AJAP1: variants seen among roughly 807,000 people sequenced by gnomAD.
AJAP1 encodes the protein adherens junction-associated protein 1.
Under a neutral mutation model 35.0 loss-of-function variants are expected in AJAP1, and 5 were observed. That is an observed-to-expected ratio of 0.14 (90% CI 0.07 to 0.30). The LOEUF (loss-of-function observed/expected upper bound fraction) is 0.30. AJAP1 is among the 10% of genes least tolerant of loss of function. The pLI, the probability that AJAP1 is intolerant of heterozygous loss-of-function variation, is 1.00. For missense variants in AJAP1, 586 were observed against 571.0 expected (o/e 1.03, Z -0.27); for synonymous variants, 284 against 249.3 (o/e 1.14, Z -1.31).
intron 1 of AJAP1, among the ~76,000 whole-genome samples, chr1:4,659,206 G>A (rs924250443): frequency 3.3e-5 from 5 of 152,184 alleles, no homozygotes; most frequent in East Asian, 1.9e-4. Flanking sequence ...TTTTAAATAC[G>A]TAGTTGCCAA....
chr1:4,723,959 A>G lies in AJAP1; in HGVS notation c.829+11260A>G, dbSNP rs539479958. On this transcript the variant is annotated intron_variant, in intron 2 of 5. Coordinates refer to ENST00000378191, the MANE Select transcript of AJAP1 (RefSeq NM_018836.4). The surrounding 1 kb of genome is among the most constrained non-coding windows in gnomAD (Gnocchi z 4.3). ...ATGTGTGCTGTTGGCTGAGCTCGCTATAGAGACCTCAAGAGGTGTCCAAGA... is the reference window on the plus strand; with the variant it reads ...ATGTGTGCTGTTGGCTGAGCTCGCTGTAGAGACCTCAAGAGGTGTCCAAGA... Among the ~76,000 whole-genome samples, 236 of 152,284 alleles carry G rather than the reference A, an allele frequency of 1.5e-3. No individual in the cohort carries two copies. Among genetic ancestry groups the G allele is most frequent in the African/African-American group, 5.4e-3 (225 of 41,548 alleles).
rs1432721622 is a variant in AJAP1 at position 4,786,104 on chromosome 1, A to G, written c.*3619A>G. The stretch of plus-strand genomic sequence containing the variant: ...TCAGGGAGCTTCCCCACCGTTTCCC[A>G]TTGGGCTCAGATTCCAGCCATTACC... On this transcript the variant is annotated 3_prime_UTR_variant, in exon 6 of 6. Transcript: ENST00000378191. The G allele has an allele frequency of 2.0e-5, 3 of 152,032 alleles. No individual in the cohort carries two copies. The highest frequency in any genetic ancestry group is 7.2e-5 in the African/African-American group (3 of 41,406). 9.4% of individuals were successfully genotyped at this position (152,032 alleles called of 1,614,324 possible).
At chr1:4,698,021 C>G (rs527238301) in intron 1 of AJAP1, among the ~76,000 whole-genome samples, 3 of 152,242 alleles carry the variant, frequency 2.0e-5, no homozygotes, top group Non-Finnish European at 4.4e-5. Context: ...GCAGTCATCG[C>G]GGCATCTCCT....
intron 1 of AJAP1, among the ~76,000 whole-genome samples, chr1:4,696,590 G>A (rs1053611581): frequency 2.6e-5 from 4 of 152,204 alleles, no homozygotes; most frequent in African/African-American, 7.2e-5. Context: ...GCTTATGCCC[G>A]GGGGGTGGCC....
intron 1 of AJAP1, among the ~76,000 whole-genome samples, chr1:4,703,921 C>T (rs1328870263): frequency 6.6e-6 from 1 of 152,210 alleles, no homozygotes; most frequent in African/African-American, 2.4e-5. Flanking sequence ...GAATGCCTGG[C>T]AGTGCAGGCT....
chr1:4,712,842 A>AAGCT, intron 2 of AJAP1, 143 bp downstream of exon 2: 3 of 837,248 alleles, frequency 3.6e-6, no homozygotes, highest in Non-Finnish European at 5.2e-6. Flanking sequence ...ATGAGCTTGC[A>AAGCT]CATGCCTGTA....
intron 1 of AJAP1, among the ~76,000 whole-genome samples, chr1:4,711,441 C>T (rs1430252431): frequency 6.6e-6 from 1 of 152,186 alleles, no homozygotes; most frequent in South Asian, 2.1e-4. Context: ...AGCGCCTGGC[C>T]CTGGGGTCCC....
chr1:4,756,054 T>C (rs1350246828), intron 2 of AJAP1, among the ~76,000 whole-genome samples: 1 of 152,112 alleles, frequency 6.6e-6, no homozygotes, highest in African/African-American at 2.4e-5. Flanking sequence ...GCTTAGCATA[T>C]GCATAAGGAA....
chr1:4,660,547 G>T (rs932459927), intron 1 of AJAP1, among the ~76,000 whole-genome samples: 1 of 152,012 alleles, frequency 6.6e-6, no homozygotes, highest in Non-Finnish European at 1.5e-5. Context: ...AAAATTAAAG[G>T]TTTAATTAAA....
At chr1:4,776,892 G>A (rs545302348) in intron 5 of AJAP1, among the ~76,000 whole-genome samples, 3 of 152,312 alleles carry the variant, frequency 2.0e-5, no homozygotes, top group East Asian at 3.9e-4. Flanking sequence ...AGAAGAGCCC[G>A]TGAGGCTTAC....
At chr1:4,719,103 A>G (rs535488599) in intron 2 of AJAP1, among the ~76,000 whole-genome samples, 1 of 152,314 alleles carries the variant, frequency 6.6e-6, no homozygotes, top group Non-Finnish European at 1.5e-5. Flanking sequence ...CCATCCGCTC[A>G]CAGGGGAATG....
intron 1 of AJAP1, among the ~76,000 whole-genome samples, chr1:4,671,966 T>C (rs1017584543): frequency 2.6e-5 from 4 of 152,282 alleles, no homozygotes; most frequent in South Asian, 2.1e-4. Context: ...CACACTGTTC[T>C]CCTTATCTCA....
intron 2 of AJAP1, among the ~76,000 whole-genome samples, chr1:4,752,812 C>G (rs1388669285): frequency 6.6e-6 from 1 of 152,164 alleles, no homozygotes; most frequent in Non-Finnish European, 1.5e-5. Context: ...ACTATAGAAC[C>G]AGGATCCAAG....
chr1:4,700,346 C>T lies in AJAP1; in HGVS notation c.30-11554C>T, dbSNP rs115510236. Among the ~76,000 whole-genome samples, 136 of 152,224 alleles carry T rather than the reference C, an allele frequency of 8.9e-4. 1 individual carries two copies. The highest frequency in any genetic ancestry group is 3.4e-3 in the Middle Eastern group (1 of 294). ...TACCCTGGGGTCTTCCACAACATAC[C>T]GATGCTGGGCCTCGCCCCCACAGGC... On this transcript the variant is annotated intron_variant, in intron 1 of 5. Coordinates refer to ENST00000378191, the MANE Select transcript of AJAP1 (RefSeq NM_018836.4).
intron 2 of AJAP1, among the ~76,000 whole-genome samples, chr1:4,719,052 A>G (rs1640459361): frequency 6.6e-6 from 1 of 152,188 alleles, no homozygotes; most frequent in African/African-American, 2.4e-5. Context: ...CTGGACTGAT[A>G]ACAAATCTGT....
intron 2 of AJAP1, among the ~76,000 whole-genome samples, chr1:4,760,191 C>CTGTGTGTGTGTGCA (rs1180358812): frequency 6.6e-6 from 1 of 151,542 alleles, no homozygotes; most frequent in East Asian, 1.9e-4. Flanking sequence ...GTGAGTGAGC[C>CTGTGTGTGTGTGCA]TGTGTGTGTG....
chr1:4,712,607 T>G lies in AJAP1; in HGVS notation c.737T>G (p.Ile246Ser). The stretch of plus-strand genomic sequence containing the variant: ...GAGTCCTTGGATCCCCGGAGAAGGA[T>G]CCCAGGTGGGGTTAGCACAACGGAG... ...FTESLDPRRRIPGGVSTTEPS... is the reference protein window; with the variant it reads ...FTESLDPRRRSPGGVSTTEPS... The change falls in exon 2 of 6, where the codon ATC becomes AGC. Residue 246 changes from isoleucine to serine, a missense_variant. Physicochemically the swap from Ile to Ser is moderately radical, Grantham distance 142. Coordinates refer to ENST00000378191, the MANE Select transcript of AJAP1 (RefSeq NM_018836.4). 1 of 1,600,478 alleles carries G rather than the reference T, an allele frequency of 6.2e-7. No individual in the cohort carries two copies. Among genetic ancestry groups the G allele is most frequent in the South Asian group, 1.1e-5 (1 of 89,424 alleles).
intron 1 of AJAP1, among the ~76,000 whole-genome samples, chr1:4,669,219 T>TC (rs1399014367): frequency 6.6e-6 from 1 of 152,194 alleles, no homozygotes; most frequent in Non-Finnish European, 1.5e-5. Flanking sequence ...TCATTCCCCG[T>TC]CCCCCTGGAA....
intron 2 of AJAP1, among the ~76,000 whole-genome samples, chr1:4,768,782 A>G (rs1223783545): frequency 6.6e-6 from 1 of 152,168 alleles, no homozygotes; most frequent in East Asian, 1.9e-4. Context: ...CAGGTGCTAA[A>G]GTGGACCTTC....
Sources: gnomAD v4.1 joint callset for allele counts (sites outside exome capture counted in the v4.1 genomes callset) on GRCh38, gnomAD v4.1.1 for gene constraint, Gnocchi (gnomAD v3.1) non-coding constraint, MANE v1.5 for transcripts, NCBI Gene and HGNC (gene_info 2026-07-23, HGNC 2026-07-21) for gene names.